Variants in PCDHGA6 observed in about 807,000 individuals in gnomAD.
PCDHGA6 encodes the protein protocadherin gamma subfamily A, 6.
PCDHGA6 carries 41 observed loss-of-function variants against 60.6 expected under a neutral mutation model. That is an observed-to-expected ratio of 0.68 (90% CI 0.53 to 0.88). The LOEUF (loss-of-function observed/expected upper bound fraction) is 0.88. Ranked by LOEUF, PCDHGA6 falls within the 40% of genes least tolerant of loss-of-function variation. The pLI is 0.00. For missense variants in PCDHGA6, 1,312 were observed against 1,203.0 expected (o/e 1.09, Z -1.34); for synonymous variants, 594 against 524.4 (o/e 1.13, Z -1.81).
At position 141,403,695 on chromosome 5, in the gene PCDHGA6, G is replaced by T. The variant is rs376074779; in HGVS notation, c.2424+27188G>T. On this transcript the variant is annotated intron_variant, in intron 1 of 3. Transcript: ENST00000517434. ...CCGGTTTTTGCTCAACGGATTTACC[G>T]AGTTAAAGTCCTTGAGAACGTGCCC... The T allele has an allele frequency of 2.9e-5, 46 of 1,613,780 alleles. No individual in the cohort carries two copies. The highest frequency in any genetic ancestry group is 3.7e-5 in the Non-Finnish European group (44 of 1,179,906).
At chr5:141,462,459 C>T (rs190781980) in intron 1 of PCDHGA6, among the ~76,000 whole-genome samples, 11 of 152,128 alleles carry the variant, frequency 7.2e-5, no homozygotes, top group Admixed American at 2.6e-4. Flanking sequence ...TAACTGAAAA[C>T]TGTGTATTCT....
intron 1 of PCDHGA6, among the ~76,000 whole-genome samples, chr5:141,443,696 T>C (rs1293017505): frequency 6.6e-6 from 1 of 152,308 alleles, no homozygotes; most frequent in Admixed American, 6.5e-5. Context: ...TCAAAAATTA[T>C]AGAATAACAT....
chr5:141,404,085 A>G, intron 1 of PCDHGA6: 1 of 1,613,618 alleles, frequency 6.2e-7, no homozygotes, highest in South Asian at 1.1e-5. Context: ...GACTCCGGGA[A>G]GAATGGTCAA....
rs10040701 is a variant in PCDHGA6 at position 141,508,490 on chromosome 5, A to G, written c.2573-2457A>G. ...TCTTTCTTTTACATTCTGGATTTCC[A>G]TATCTTCTCTCCCTCCTGGTCCAGC... On this transcript the variant is annotated intron_variant, in intron 3 of 3. Transcript: ENST00000517434. Among the ~76,000 whole-genome samples, 377 of 152,202 alleles carry G rather than the reference A, an allele frequency of 2.5e-3. 1 individual carries two copies. The highest frequency in any genetic ancestry group is 8.6e-3 in the African/African-American group (358 of 41,530).
chr5:141,427,840 A>G (rs779622800), intron 1 of PCDHGA6: 1 of 1,548,180 alleles, frequency 6.5e-7, no homozygotes, highest in Non-Finnish European at 8.8e-7. Flanking sequence ...CGTGCCTTCG[A>G]CCACGAGCAG....
At chr5:141,388,492 A>G (rs2091380241) in intron 1 of PCDHGA6, 7 of 1,613,742 alleles carry the variant, frequency 4.3e-6, no homozygotes, top group South Asian at 1.1e-5. Flanking sequence ...TTGGACAGAG[A>G]AAAGCAGAAA....
chr5:141,388,496 G>A (rs1296141749), intron 1 of PCDHGA6: 9 of 1,613,710 alleles, frequency 5.6e-6, no homozygotes, highest in South Asian at 4.4e-5. Context: ...ACAGAGAAAA[G>A]CAGAAATCCT....
chr5:141,428,204 C>G, intron 1 of PCDHGA6: 2 of 1,324,722 alleles, frequency 1.5e-6, no homozygotes, highest in Non-Finnish European at 1.1e-6. Context: ...TGCGCCGCTA[C>G]GCTTCACCTA....
At chr5:141,417,859 G>T (rs925593025) in intron 1 of PCDHGA6, 10 of 1,548,090 alleles carry the variant, frequency 6.5e-6, no homozygotes, top group African/African-American at 2.7e-5. Context: ...CCGAGCGAAC[G>T]ATGGGAGGGA....
At chr5:141,410,560 A>C (rs769354927) in intron 1 of PCDHGA6, 42 of 1,612,824 alleles carry the variant, frequency 2.6e-5, no homozygotes, top group Non-Finnish European at 3.5e-5. Context: ...TTTCTCCTGG[A>C]GCCTTAATTC....
chr5:141,381,820 C>CTTTCTTTCTTTCTTTCTTTCT (rs1279410534), intron 1 of PCDHGA6, among the ~76,000 whole-genome samples: 8 of 119,916 alleles, frequency 6.7e-5, no homozygotes, highest in African/African-American at 2.7e-4. Flanking sequence ...TTCTTTCTTT[C>CTTTCTTTCTTTCTTTCTTTCT]TTCTTCTTTT....
At chr5:141,408,392 C>G in intron 1 of PCDHGA6, 1 of 1,614,002 alleles carries the variant, frequency 6.2e-7, no homozygotes, top group South Asian at 1.1e-5. Context: ...TGTGTCGGCT[C>G]GCAAGCTGCG....
At position 141,476,903 on chromosome 5, in the gene PCDHGA6, G is replaced by C; in HGVS notation, c.2425-17904G>C. On this transcript the variant is annotated intron_variant, in intron 1 of 3. Transcript: ENST00000517434. The surrounding 1 kb of genome is among the most constrained non-coding windows in gnomAD (Gnocchi z 7.6). Reference sequence around the variant, plus strand: ...GGAGGATGCACCCTCCGGCACGCGCGTGGTACAAGTCCTTGCAACGGATCT... The same window carrying C: ...GGAGGATGCACCCTCCGGCACGCGCCTGGTACAAGTCCTTGCAACGGATCT... The C allele has an allele frequency of 1.2e-6, 2 of 1,614,018 alleles. No individual in the cohort carries two copies. Among genetic ancestry groups the C allele is most frequent in the Non-Finnish European group, 1.7e-6 (2 of 1,180,044 alleles).
chr5:141,490,480 C>A lies in PCDHGA6; in HGVS notation c.2425-4327C>A, dbSNP rs564439931. ...GCTGCTAACCAGCCAGCCTTTGGAC[C>A]GGGAGGCCACATCCCACTATATCAT... On this transcript the variant is annotated intron_variant, in intron 1 of 3. Transcript: ENST00000517434. The surrounding 1 kb of genome is among the most constrained non-coding windows in gnomAD (Gnocchi z 5.4). 2.5e-5 allele frequency: 40 copies of A among 1,614,076 alleles called. No homozygotes were observed. The highest frequency in any genetic ancestry group is 5.9e-6 in the Non-Finnish European group (7 of 1,180,058).
At position 141,487,385 on chromosome 5, in the gene PCDHGA6, CGAA is replaced by C; in HGVS notation, c.2425-7420_2425-7418del. 6.2e-7 allele frequency: 1 copy of C among 1,614,160 alleles called. No individual in the cohort carries two copies. The highest frequency in any genetic ancestry group is 8.5e-7 in the Non-Finnish European group (1 of 1,180,046). On this transcript the variant is annotated intron_variant, in intron 1 of 3. Coordinates refer to ENST00000517434, the MANE Select transcript of PCDHGA6 (RefSeq NM_018919.3). The surrounding 1 kb of genome is among the most constrained non-coding windows in gnomAD (Gnocchi z 5.0). ...CACCTGTGCCTGTCTCACCAGATCTCGAAGGAGGGAGGGGCTTCCCCCTTCCAA... is the reference window on the plus strand; with the variant it reads ...CACCTGTGCCTGTCTCACCAGATCTCGGAGGGAGGGGCTTCCCCCTTCCAA...
chr5:141,392,746 G>A (rs970809453), intron 1 of PCDHGA6: 4 of 1,443,856 alleles, frequency 2.8e-6, no homozygotes, highest in Non-Finnish European at 3.6e-6. Flanking sequence ...CATAGCTGCG[G>A]CAAGAAACTA....
At chr5:141,466,019 G>C (rs1466918487) in intron 1 of PCDHGA6, among the ~76,000 whole-genome samples, 1 of 152,062 alleles carries the variant, frequency 6.6e-6, no homozygotes, top group African/African-American at 2.4e-5. Flanking sequence ...CTACTCGGGA[G>C]GGTGAGGCAG....
chr5:141,492,908 A>G (rs1595151443), intron 1 of PCDHGA6, among the ~76,000 whole-genome samples: 2 of 152,302 alleles, frequency 1.3e-5, no homozygotes, highest in African/African-American at 4.8e-5. Context: ...TCGTGATCAC[A>G]ATGTGCCCAG....
At chr5:141,389,843 G>T (rs372102656) in intron 1 of PCDHGA6, 3 of 1,614,016 alleles carry the variant, frequency 1.9e-6, no homozygotes, top group Non-Finnish European at 2.5e-6. Context: ...CACCACTCTC[G>T]GCCACTGCCA....
Sources: gnomAD v4.1 joint callset for allele counts (sites outside exome capture counted in the v4.1 genomes callset) on GRCh38, gnomAD v4.1.1 for gene constraint, Gnocchi (gnomAD v3.1) non-coding constraint, MANE v1.5 for transcripts, NCBI Gene and HGNC (gene_info 2026-07-23, HGNC 2026-07-21) for gene names.